VPS13B: variants seen among roughly 807,000 people sequenced by gnomAD.
The protein encoded by VPS13B is intermembrane lipid transfer protein VPS13B.
VPS13B carries 285 observed loss-of-function variants against 426.4 expected under a neutral mutation model. That is an observed-to-expected ratio of 0.67 (90% confidence interval 0.61 to 0.74). The LOEUF is 0.74. Among genes scored for constraint, VPS13B ranks in the 30% least tolerant of loss-of-function variants. VPS13B has a pLI of 0.00. For missense variants in VPS13B, 4,537 were observed against 4,782.6 expected (o/e 0.95, Z 1.51); for synonymous variants, 1,676 against 1,676.4 (o/e 1.00, Z 0.01).
At chr8:99,312,956 G>A (rs888596686) in intron 19 of VPS13B, among the ~76,000 whole-genome samples, 1 of 151,962 alleles carries the variant, frequency 6.6e-6, no homozygotes, top group Non-Finnish European at 1.5e-5. Flanking sequence ...CCAGTTGATC[G>A]AATCGGCTAA....
intron 17 of VPS13B, among the ~76,000 whole-genome samples, chr8:99,222,944 C>T (rs1009161572): frequency 2.6e-5 from 4 of 152,184 alleles, no homozygotes; most frequent in African/African-American, 9.7e-5. Context: ...TCAAGTGATT[C>T]TCCTGCCTCA....
chr8:99,875,030 A>G (rs530609340), intron 61 of VPS13B: 5 of 281,354 alleles, frequency 1.8e-5, no homozygotes, highest in Non-Finnish European at 3.4e-5. Flanking sequence ...TTCAGTGCTG[A>G]GTTTAATGTT....
intron 54 of VPS13B, among the ~76,000 whole-genome samples, chr8:99,847,408 A>T (rs1164411241): frequency 6.6e-6 from 1 of 152,240 alleles, no homozygotes; most frequent in African/African-American, 2.4e-5. Context: ...GTGTCAGTCC[A>T]GAAGGGAACA....
At chr8:99,622,398 G>C (rs920822924) in intron 33 of VPS13B, among the ~76,000 whole-genome samples, 2 of 152,140 alleles carry the variant, frequency 1.3e-5, no homozygotes, top group African/African-American at 4.8e-5. Context: ...AAGAAGTTAT[G>C]AGCATATTTC....
At chr8:99,269,336 A>T (rs1324061217) in intron 17 of VPS13B, among the ~76,000 whole-genome samples, 1 of 152,230 alleles carries the variant, frequency 6.6e-6, no homozygotes, top group Non-Finnish European at 1.5e-5. Flanking sequence ...CTAGTGGACT[A>T]TGACAACAGG....
At chr8:99,593,760 A>G (rs571798162) in intron 33 of VPS13B, among the ~76,000 whole-genome samples, 81 of 152,268 alleles carry the variant, frequency 5.3e-4, no homozygotes, top group Non-Finnish European at 9.1e-4. Flanking sequence ...CTGTGCAGGG[A>G]CATGGATGGA....
chr8:99,109,448 A>C (rs750536545), intron 5 of VPS13B, among the ~76,000 whole-genome samples: 20 of 145,194 alleles, frequency 1.4e-4, no homozygotes, highest in Non-Finnish European at 2.5e-4. Flanking sequence ...CAGTGGTGTG[A>C]TCTTGGCTCA....
chr8:99,387,048 A>G (rs906092702), intron 20 of VPS13B, among the ~76,000 whole-genome samples: 1 of 152,180 alleles, frequency 6.6e-6, no homozygotes, highest in African/African-American at 2.4e-5. Context: ...GTTGGAGTAT[A>G]TGTCTCCATA....
intron 31 of VPS13B, among the ~76,000 whole-genome samples, chr8:99,573,864 G>A (rs1825619242): frequency 6.6e-6 from 1 of 152,080 alleles, no homozygotes; most frequent in Non-Finnish European, 1.5e-5. Context: ...GATGGGGATG[G>A]CATTGAATCT....
At chr8:99,446,286 A>G (rs1377323724) in intron 23 of VPS13B, among the ~76,000 whole-genome samples, 1 of 151,298 alleles carries the variant, frequency 6.6e-6, no homozygotes, top group East Asian at 1.9e-4. Flanking sequence ...GTTTATAGTT[A>G]TTTTCTCCCA....
In VPS13B at chr8:99,170,065, G is replaced by A. The variant is rs557250154; in HGVS notation, c.2235G>A (p.Thr745=). The A allele has an allele frequency of 3.0e-5, 48 of 1,612,824 alleles. No homozygotes were observed. The highest frequency in any genetic ancestry group is 4.0e-5 in the African/African-American group (3 of 74,986). ...LKIFGFQAGL[T]SLDCSGSYCL... Reference sequence around the variant, plus strand: ...TATTTGGTTTCCAGGCAGGACTGACGTCTTTGGATTGCAGTGGATCTTACT... The same window carrying A: ...TATTTGGTTTCCAGGCAGGACTGACATCTTTGGATTGCAGTGGATCTTACT... Residue 745 remains threonine (T), a synonymous_variant, in exon 16 of 62, where the codon ACG becomes ACA. Coordinates refer to ENST00000357162, the MANE Select transcript of VPS13B (RefSeq NM_152564.5).
At chr8:99,332,486 A>G (rs1810598491) in intron 19 of VPS13B, among the ~76,000 whole-genome samples, 1 of 151,552 alleles carries the variant, frequency 6.6e-6, no homozygotes, top group Non-Finnish European at 1.5e-5. Flanking sequence ...ATATTCTTTT[A>G]TATATTCTGA....
At chr8:99,594,861 G>A (rs1826914845) in intron 33 of VPS13B, among the ~76,000 whole-genome samples, 1 of 151,876 alleles carries the variant, frequency 6.6e-6, no homozygotes, top group South Asian at 2.1e-4. Context: ...TTTTCACTCA[G>A]GATTCACTGT....
intron 58 of VPS13B, among the ~76,000 whole-genome samples, chr8:99,866,829 G>A (rs989896276): frequency 2.6e-5 from 4 of 152,220 alleles, no homozygotes; most frequent in Non-Finnish European, 5.9e-5. Flanking sequence ...GAGCATCAAC[G>A]GCAAATGAGG....
chr8:99,564,354 C>T (rs1825085000), intron 31 of VPS13B, among the ~76,000 whole-genome samples: 1 of 152,170 alleles, frequency 6.6e-6, no homozygotes, highest in South Asian at 2.1e-4. Flanking sequence ...AACCAACCCT[C>T]CTGAAGCACT....
At chr8:99,653,420 G>A (rs969616164) in intron 34 of VPS13B, among the ~76,000 whole-genome samples, 5 of 150,820 alleles carry the variant, frequency 3.3e-5, no homozygotes, top group Non-Finnish European at 7.4e-5. Context: ...CAGAAAAGAG[G>A]TTTACAGTTG....
At chr8:99,328,961 C>A (rs1044670934) in intron 19 of VPS13B, among the ~76,000 whole-genome samples, 7 of 152,100 alleles carry the variant, frequency 4.6e-5, no homozygotes, top group Admixed American at 6.6e-5. Flanking sequence ...TGTTTTACCT[C>A]TCCTCCCCCT....
chr8:99,755,014 G>A (rs1467306855), intron 39 of VPS13B, among the ~76,000 whole-genome samples: 1 of 152,080 alleles, frequency 6.6e-6, no homozygotes, highest in African/African-American at 2.4e-5. Context: ...TAACCAAAAT[G>A]TTTGAAAGGA....
At chr8:99,655,145 T>A (rs1186443250) in intron 34 of VPS13B, among the ~76,000 whole-genome samples, 1 of 152,198 alleles carries the variant, frequency 6.6e-6, no homozygotes, top group Non-Finnish European at 1.5e-5. Context: ...CACTCTAACT[T>A]CTAGTTTAGA....
Sources: allele counts gnomAD v4.1 joint callset (sites outside exome capture counted in the v4.1 genomes callset), GRCh38; gene constraint gnomAD v4.1.1; transcripts MANE v1.5; gene names NCBI Gene and HGNC (gene_info 2026-07-23, HGNC 2026-07-21).